GNPTAB: variants seen among roughly 807,000 people sequenced by gnomAD.
The protein encoded by GNPTAB is N-acetylglucosamine-1-phosphotransferase subunits alpha/beta.
In GNPTAB, 92 loss-of-function variants were observed where a neutral mutation model predicts 136.6. The ratio of observed to expected loss-of-function variants is 0.67; its 90% CI spans 0.57 to 0.80. GNPTAB has a LOEUF of 0.80. GNPTAB is among the 30% of genes least tolerant of loss of function. The pLI, the probability that GNPTAB is intolerant of heterozygous loss-of-function variation, is 0.00. For synonymous variants in GNPTAB, 512 were observed against 535.1 expected (o/e 0.96, Z 0.60); for missense variants, 1,343 against 1,501.8 (o/e 0.89, Z 1.75).
Position 101,822,072 on chromosome 12 carries a change from G to A in GNPTAB, c.117+8487C>T, listed in dbSNP as rs1594262616. ...AAAGCAGGTGACCACTCCTGAGCAC[G>A]GCGGTGGCTGTGGTCTCTGAAGGAT... On this transcript the variant is annotated intron_variant, in intron 1 of 20. Transcript: ENST00000299314. Among the ~76,000 whole-genome samples the A allele has an allele frequency of 2.0e-5, 3 of 152,164 alleles. No individual in the cohort carries two copies. The South Asian group carries it at 6.2e-4, about 32-fold the overall frequency.
chr12:101,765,311 G>C lies in GNPTAB; in HGVS notation c.1613-7C>G. ...TACAATTCATGAAAATGATCTAGAG[G>C]AAAAAACAGAAACATGATTTTTTTT... On this transcript the variant is annotated splice_polypyrimidine_tract_variant and splice_region_variant and intron_variant, in intron 12 of 20. Coordinates refer to ENST00000299314, the MANE Select transcript of GNPTAB (RefSeq NM_024312.5). 1 of 1,571,444 alleles carries C rather than the reference G, an allele frequency of 6.4e-7. No individual in the cohort carries two copies. Among genetic ancestry groups the C allele is most frequent in the Non-Finnish European group, 8.8e-7 (1 of 1,142,296 alleles).
intron 18 of GNPTAB, among the ~76,000 whole-genome samples, chr12:101,753,970 C>T (rs935800191): frequency 4.0e-5 from 6 of 151,660 alleles, no homozygotes; most frequent in Non-Finnish European, 7.4e-5. Context: ...ACCAACATGG[C>T]GAAACCTATC....
At chr12:101,776,668 T>C (rs1953266132) in intron 7 of GNPTAB, among the ~76,000 whole-genome samples, 1 of 152,228 alleles carries the variant, frequency 6.6e-6, no homozygotes. Context: ...GTGACTCCTG[T>C]GAATAATCAT....
chr12:101,754,949 T>C (rs1252157670), intron 18 of GNPTAB, among the ~76,000 whole-genome samples: 1 of 152,144 alleles, frequency 6.6e-6, no homozygotes, highest in South Asian at 2.1e-4. Flanking sequence ...GGAAAACCCA[T>C]AGATTTAACT....
At chr12:101,772,237 T>G (rs928700815) in intron 7 of GNPTAB, among the ~76,000 whole-genome samples, 5 of 152,230 alleles carry the variant, frequency 3.3e-5, no homozygotes, top group Non-Finnish European at 7.3e-5. Flanking sequence ...AAACCACAAA[T>G]GTAGGACAGT....
chr12:101,763,109 C>A lies in GNPTAB; in HGVS notation c.2715+1093G>T, dbSNP rs1341180656. 5.3e-5 allele frequency among the ~76,000 whole-genome samples: 8 copies of A among 151,718 alleles called. No individual in the cohort carries two copies. The East Asian group carries it at 1.5e-3, about 29-fold the overall frequency. On this transcript the variant is annotated intron_variant, in intron 13 of 20. Coordinates refer to ENST00000299314, the MANE Select transcript of GNPTAB (RefSeq NM_024312.5). ...TGCTGGCACATGCCTGTAATCCCAG[C>A]CACTCAGGAGGCTGAGACAGGAGAA...
At chr12:101,760,009 A>G in intron 16 of GNPTAB, 21 bp downstream of exon 16, 1 of 1,363,536 alleles carries the variant, frequency 7.3e-7, no homozygotes, top group South Asian at 1.2e-5. Context: ...GTTGTACATA[A>G]AAGTAACCCA....
chr12:101,830,750 C>CG lies in GNPTAB; in HGVS notation c.-76_-75insC. Reference sequence around the variant, plus strand: ...CGCCGCCGCCGCCTCAGCGAGCCGCCATTCAGGGGCCCCGGTCGGGCCGCC... The same window carrying CG: ...CGCCGCCGCCGCCTCAGCGAGCCGCCGATTCAGGGGCCCCGGTCGGGCCGCC... On this transcript the variant is annotated 5_prime_UTR_variant, in exon 1 of 21. It removes an upstream start codon present in the reference 5' UTR. Coordinates refer to ENST00000299314, the MANE Select transcript of GNPTAB (RefSeq NM_024312.5). 3 of 931,028 alleles carry CG rather than the reference C, an allele frequency of 3.2e-6. No homozygotes were observed. The highest frequency in any genetic ancestry group is 3.3e-6 in the Non-Finnish European group (2 of 597,712). The allele number at this position is 931,028 out of a possible 1,614,324, so 57.7% of individuals were successfully genotyped here.
chr12:101,792,045 G>A (rs1594239151), intron 2 of GNPTAB, among the ~76,000 whole-genome samples: 1 of 152,182 alleles, frequency 6.6e-6, no homozygotes. Flanking sequence ...TAAATGTTGT[G>A]GAGAAAGTAA....
Position 101,768,130 on chromosome 12 carries a change from C to T in GNPTAB, c.1315G>A (p.Ala439Thr). The change falls in exon 11 of 21, where the codon GCC (alanine) becomes ACC (threonine). Residue 439 changes from alanine to threonine, a missense_variant. Coordinates refer to ENST00000299314, the MANE Select transcript of GNPTAB (RefSeq NM_024312.5). ...VYLTWPVPNCAEGCPGSWIKD... is the reference protein window; with the variant it reads ...VYLTWPVPNCTEGCPGSWIKD... ...ATCCAGGAACCTGGGCAGCCCTCGG[C>T]ACAGTTTGGCACAGGCCATGTCAAA... is the stretch of plus-strand genomic sequence containing the variant. 1 of 1,614,154 alleles carries T rather than the reference C, an allele frequency of 6.2e-7. No homozygotes were observed. Among genetic ancestry groups the T allele is most frequent in the Non-Finnish European group, 8.5e-7 (1 of 1,179,988 alleles).
At position 101,761,559 on chromosome 12, in the gene GNPTAB, C is replaced by T; in HGVS notation, c.2915+5G>A. The T allele has an allele frequency of 6.2e-7, 1 of 1,611,052 alleles. No individual in the cohort carries two copies. The highest frequency in any genetic ancestry group is 8.5e-7 in the Non-Finnish European group (1 of 1,177,774). The stretch of plus-strand genomic sequence containing the variant: ...GCAAACAACTCAAACACGAGCAAGA[C>T]TTACATATCTTGCAGTTCTTGCATA... On this transcript the variant is annotated splice_donor_5th_base_variant and intron_variant, in intron 14 of 20. Transcript: ENST00000299314.
chr12:101,768,154 A>G lies in GNPTAB; in HGVS notation c.1291T>C (p.Leu431=). The G allele has an allele frequency of 6.2e-7, 1 of 1,614,220 alleles. No homozygotes were observed. Among genetic ancestry groups the G allele is most frequent in the South Asian group, 1.1e-5 (1 of 91,086 alleles). The part of the protein sequence containing the change: ...YSHSKGQKVY[L]TWPVPNCAEG... ...GCACAGTTTGGCACAGGCCATGTCA[A>G]ATAAACCTACGATAAAACCAAAGAG... Residue 431 remains leucine (L), a synonymous_variant, in exon 11 of 21, where the codon TTG becomes CTG. Transcript: ENST00000299314.
Position 101,786,083 on chromosome 12 carries a change from A to T in GNPTAB, c.500T>A (p.Ile167Asn), listed in dbSNP as rs143907628. Residue 167 changes from isoleucine (I) to asparagine (N), a missense_variant, in exon 5 of 21, where the codon ATT (isoleucine) becomes AAT (asparagine). Physicochemically the swap from Ile to Asn is moderately radical, Grantham distance 149. Transcript: ENST00000299314. ...GTTTTTTGGTTTTGCAACATTGAAA[A>T]TGTCACTGGCAGAATGAAAAGAAGG... Reference protein sequence around the residue: ...LYPSFHSASDIFNVAKPKNPS... With the variant: ...LYPSFHSASDNFNVAKPKNPS... The T allele has an allele frequency of 4.4e-4, 715 of 1,614,152 alleles. No individual in the cohort carries two copies. The highest frequency in any genetic ancestry group is 1.5e-3 in the Admixed American group (93 of 60,022).
Position 101,796,694 on chromosome 12 carries a change from T to C in GNPTAB, c.186A>G (p.Gly62=), listed in dbSNP as rs1869312099. The change falls in exon 2 of 21, where the codon GGA becomes GGG. Residue 62 remains glycine (G), a synonymous_variant. Coordinates refer to ENST00000299314, the MANE Select transcript of GNPTAB (RefSeq NM_024312.5). ...LFDSYRDNIA[G]KSFQNRLCLP... is the part of the protein sequence containing the mutation. Reference sequence around the variant, plus strand: ...GATCTTACCGATTCTGAAAGGACTTTCCAGCAATATTGTCTCTATAGGAAT... The same window carrying C: ...GATCTTACCGATTCTGAAAGGACTTCCCAGCAATATTGTCTCTATAGGAAT... 6.2e-7 allele frequency: 1 copy of C among 1,609,840 alleles called. No homozygotes were observed.
intron 11 of GNPTAB, among the ~76,000 whole-genome samples, chr12:101,766,995 C>A (rs1213328636): frequency 6.6e-6 from 1 of 152,202 alleles, no homozygotes. Flanking sequence ...TTATCAAATG[C>A]TAATGTTCCA....
intron 1 of GNPTAB, among the ~76,000 whole-genome samples, chr12:101,826,506 A>ATT (rs11311603): frequency 7.0e-6 from 1 of 142,142 alleles, no homozygotes. Context: ...CTGATTTTTA[A>ATT]TTTTTTTTTT....
At chr12:101,808,418 T>C (rs1021025580) in intron 1 of GNPTAB, among the ~76,000 whole-genome samples, 1 of 149,656 alleles carries the variant, frequency 6.7e-6, no homozygotes, top group African/African-American at 2.5e-5. Flanking sequence ...GGCATGCACC[T>C]GTGGACCCAG....
Position 101,764,986 on chromosome 12 carries a change from G to A in GNPTAB, c.1931C>T (p.Thr644Ile), listed in dbSNP as rs76889468. 0.015 allele frequency: 23,582 copies of A among 1,613,998 alleles called. 247 individuals are homozygous for A. The highest frequency in any genetic ancestry group is 0.04 in the African/African-American group (2,970 of 74,986). ...TAAATTTTCGTAACCCTTCTGGGCT[G>A]TAGAATTCAGTTTTGGTCCCTCCCT... is the stretch of plus-strand genomic sequence containing the variant. ...DTREGPKLNS[T>I]AQKGYENLVS... is the part of the protein sequence containing the mutation. Residue 644 changes from threonine (T) to isoleucine (I), a missense_variant, in exon 13 of 21, where the codon ACA becomes ATA. Physicochemically the swap from Thr to Ile is moderately conservative, Grantham distance 89. Coordinates refer to ENST00000299314, the MANE Select transcript of GNPTAB (RefSeq NM_024312.5).
intron 1 of GNPTAB, among the ~76,000 whole-genome samples, chr12:101,822,467 G>C (rs1870864285): frequency 6.6e-6 from 1 of 152,190 alleles, no homozygotes; most frequent in African/African-American, 2.4e-5. Context: ...CAACATCCCA[G>C]AGAGCTCCTG....
Sources: allele counts gnomAD v4.1 joint callset (sites outside exome capture counted in the v4.1 genomes callset), GRCh38; gene constraint gnomAD v4.1.1; transcripts MANE v1.5; gene names NCBI Gene and HGNC (gene_info 2026-07-23, HGNC 2026-07-21).